Variants in LINGO1 observed in about 807,000 individuals in gnomAD.
LINGO1 encodes leucine rich repeat and Ig domain containing 1.
A neutral mutation model predicts 37.3 loss-of-function variants in LINGO1; 11 were observed. The ratio of observed to expected loss-of-function variants is 0.29; its 90% CI spans 0.19 to 0.49. The LOEUF is 0.49. LINGO1 is among the 20% of genes least tolerant of loss of function. The probability of loss-of-function intolerance (pLI) is 0.99; values close to 1 mark genes in which losing one functional copy is unlikely to be tolerated. For synonymous variants in LINGO1, 387 were observed against 403.0 expected (o/e 0.96, Z 0.48); for missense variants, 585 against 878.2 (o/e 0.67, Z 4.22).
chr15:77,813,794 C>T (rs1363706634), intron 1 of LINGO1, among the ~76,000 whole-genome samples: 3 of 152,190 alleles, frequency 2.0e-5, no homozygotes, highest in Non-Finnish European at 2.9e-5. Context: ...CATTTTGTCC[C>T]GTGTCCAAAG....
rs550293579 is a variant in LINGO1, at chr15:77,810,019, AC to A, written c.-458+10238del. Among the ~76,000 whole-genome samples the A allele has an allele frequency of 5.9e-3, 882 of 149,936 alleles. 10 individuals are homozygous for A. The highest frequency in any genetic ancestry group is 0.021 in the African/African-American group (847 of 40,664). ...TGCCTTTCTCCCAGTGGCCTCTCCC[AC>A]CCTCCTCCCCCAATGACCTCAAGAA... On this transcript the variant is annotated intron_variant, in intron 1 of 5. Transcript: ENST00000562933.
intron 2 of LINGO1, among the ~76,000 whole-genome samples, chr15:77,724,686 G>C (rs1054746081): frequency 6.6e-6 from 1 of 152,164 alleles, no homozygotes; most frequent in Non-Finnish European, 1.5e-5. Context: ...CACATAAAGT[G>C]CCTAATGTGG....
chr15:77,725,702 G>A (rs762817214), intron 2 of LINGO1, among the ~76,000 whole-genome samples: 4 of 152,222 alleles, frequency 2.6e-5, no homozygotes, highest in Admixed American at 6.5e-5. Context: ...CACAGAAAGC[G>A]ACAGGCAGCT....
intron 1 of LINGO1, among the ~76,000 whole-genome samples, chr15:77,748,323 A>G (rs1362424129): frequency 2.0e-5 from 3 of 152,222 alleles, no homozygotes; most frequent in Admixed American, 2.0e-4. Context: ...TTGGAGTCAG[A>G]TGACCCAAAT....
chr15:77,760,404 A>G (rs749325888), intron 1 of LINGO1, among the ~76,000 whole-genome samples: 1 of 152,214 alleles, frequency 6.6e-6, no homozygotes, highest in Non-Finnish European at 1.5e-5. Context: ...TGAGCAGCAG[A>G]ATGTTTTGTT....
At chr15:77,741,228 C>T (rs1327094504) in intron 1 of LINGO1, among the ~76,000 whole-genome samples, 1 of 152,226 alleles carries the variant, frequency 6.6e-6, no homozygotes, top group Non-Finnish European at 1.5e-5. Context: ...TCTAGATTTG[C>T]TTCTTTGCCT....
In LINGO1 at chr15:77,813,569, G is replaced by T. The variant is rs1596254623; in HGVS notation, c.-458+6689C>A. On this transcript the variant is annotated intron_variant, in intron 1 of 5. Coordinates refer to the LINGO1 transcript ENST00000562933. ...GCATGCCCCAAGAGGGCAGAGGCTG[G>T]TCCTACTCATCTCTGTCCCTATAGC... Among the ~76,000 whole-genome samples, 2 of 152,188 alleles carry T rather than the reference G, an allele frequency of 1.3e-5. 1 individual carries two copies. The highest frequency in any genetic ancestry group is 4.1e-4 in the South Asian group (2 of 4,832).
chr15:77,659,384 T>TC (rs2074937605), intron 3 of LINGO1, among the ~76,000 whole-genome samples: 1 of 151,996 alleles, frequency 6.6e-6, no homozygotes, highest in Non-Finnish European at 1.5e-5. Flanking sequence ...AATCATGCCC[T>TC]ACCTAGGACT....
At chr15:77,704,539 CCACACACTGAGCCCCAACCCTGGT>C (rs1407700275) in intron 2 of LINGO1, among the ~76,000 whole-genome samples, 1 of 149,902 alleles carries the variant, frequency 6.7e-6, no homozygotes, top group Non-Finnish European at 1.5e-5. Context: ...CCAACCCTGG[CCACACACTGAGCCCCAACCCTGGT>C]CACACACTGA....
intron 1 of LINGO1, among the ~76,000 whole-genome samples, chr15:77,624,646 C>T (rs548502749): frequency 2.0e-5 from 3 of 152,086 alleles, no homozygotes; most frequent in African/African-American, 4.8e-5. Context: ...GAGTGAGAGT[C>T]GGGCAGGGCT....
chr15:77,637,038 G>C (rs1271972111), upstream of LINGO1, among the ~76,000 whole-genome samples: 1 of 152,084 alleles, frequency 6.6e-6, no homozygotes, highest in African/African-American at 2.4e-5. This position sits in a 1 kb window ranked among gnomAD's most constrained non-coding sequence, Gnocchi z 4.6. Flanking sequence ...TCAAGAGTCA[G>C]AGCAGACTTG....
chr15:77,613,893 CGGGG>C lies in LINGO1; in HGVS notation c.*147_*150del. The stretch of plus-strand genomic sequence containing the variant: ...AAGGAGGGCAGGTGGTGAGGGCTGG[CGGGG>C]GGCAGCAGGGGACGGAGGCGGGAGG... On this transcript the variant is annotated 3_prime_UTR_variant, in exon 2 of 2. Coordinates refer to ENST00000355300, the MANE Select transcript of LINGO1 (RefSeq NM_032808.7). 1 of 675,414 alleles carries C rather than the reference CGGGG, an allele frequency of 1.5e-6. No homozygotes were observed. The highest frequency in any genetic ancestry group is 2.0e-5 in the South Asian group (1 of 50,838). 41.8% of individuals were successfully genotyped at this position (675,414 alleles called of 1,614,324 possible). A position where few individuals can be genotyped will look rare whatever the true frequency, so the allele number is the denominator to read the frequency against.
intron 3 of LINGO1, among the ~76,000 whole-genome samples, chr15:77,658,149 C>A (rs1596060366): frequency 6.6e-6 from 1 of 152,208 alleles, no homozygotes; most frequent in African/African-American, 2.4e-5. Flanking sequence ...TGACACTTCC[C>A]CGTCAGCAGG....
At chr15:77,795,562 C>G (rs1232280417) in intron 2 of LINGO1, among the ~76,000 whole-genome samples, 3 of 152,120 alleles carry the variant, frequency 2.0e-5, no homozygotes, top group Admixed American at 1.3e-4. Context: ...TTTCTTGGAC[C>G]CTGATTGTCT....
At chr15:77,675,696 G>A (rs1039739906) in intron 3 of LINGO1, among the ~76,000 whole-genome samples, 3 of 152,032 alleles carry the variant, frequency 2.0e-5, no homozygotes, top group African/African-American at 4.8e-5. Flanking sequence ...ATGGATAGAC[G>A]GATGAATAGA....
chr15:77,751,369 A>G (rs201749732), intron 1 of LINGO1, among the ~76,000 whole-genome samples: 1 of 152,238 alleles, frequency 6.6e-6, no homozygotes, highest in East Asian at 1.9e-4. Flanking sequence ...CACCATGACT[A>G]CTGCTCCTAC....
intron 1 of LINGO1, among the ~76,000 whole-genome samples, chr15:77,753,611 C>T (rs2141370615): frequency 6.6e-6 from 1 of 152,334 alleles, no homozygotes; most frequent in Non-Finnish European, 1.5e-5. Context: ...CTGCCAAGGA[C>T]TGTCAGCATG....
At chr15:77,726,027 C>A (rs941725306) in intron 2 of LINGO1, among the ~76,000 whole-genome samples, 3 of 152,196 alleles carry the variant, frequency 2.0e-5, no homozygotes, top group African/African-American at 4.8e-5. Context: ...CAGCTGAGCA[C>A]CCATGGTGAG....
chr15:77,690,630 T>C (rs890191638), intron 2 of LINGO1: 9 of 152,234 alleles, frequency 5.9e-5, no homozygotes, highest in African/African-American at 2.2e-4. Context: ...CGATACAGTG[T>C]ACAGAAAGAT....
Sources: allele counts gnomAD v4.1 joint callset (sites outside exome capture counted in the v4.1 genomes callset), GRCh38; gene constraint gnomAD v4.1.1; non-coding constraint Gnocchi (gnomAD v3.1); transcripts MANE v1.5; gene names NCBI Gene and HGNC (gene_info 2026-07-23, HGNC 2026-07-21).